Variants in TTC6 observed in about 807,000 individuals in gnomAD.
The protein encoded by TTC6 is tetratricopeptide repeat domain 6.
In TTC6, 172 loss-of-function variants were observed where a neutral mutation model predicts 210.4. That is an observed-to-expected ratio of 0.82 (90% CI 0.72 to 0.93). The LOEUF (loss-of-function observed/expected upper bound fraction) is 0.93. Among genes scored for constraint, TTC6 ranks in the 40% least tolerant of loss-of-function variants. The probability of loss-of-function intolerance (pLI) is 0.00; values close to 1 mark genes in which losing one functional copy is unlikely to be tolerated. For missense variants in TTC6, 2,414 were observed against 2,318.1 expected (o/e 1.04, Z -0.85); for synonymous variants, 804 against 819.6 (o/e 0.98, Z 0.32).
intron 29 of TTC6, among the ~76,000 whole-genome samples, chr14:37,833,626 T>G (rs897317471): frequency 4.6e-5 from 7 of 152,184 alleles, no homozygotes; most frequent in African/African-American, 1.7e-4. Flanking sequence ...GGTAAGGACT[T>G]ATTTCTGTCA....
chr14:37,834,137 TG>T (rs1189274304), intron 29 of TTC6, among the ~76,000 whole-genome samples: 1 of 152,192 alleles, frequency 6.6e-6, no homozygotes, highest in Non-Finnish European at 1.5e-5. Flanking sequence ...CTTAGACTTT[TG>T]ACAGTTTGAT....
At chr14:37,765,153 T>C (rs1197784348) in intron 14 of TTC6, among the ~76,000 whole-genome samples, 1 of 151,854 alleles carries the variant, frequency 6.6e-6, no homozygotes, top group African/African-American at 2.4e-5. Flanking sequence ...AAATTACATC[T>C]TTATAAATAT....
chr14:37,725,308 GTGTGTATA>G (rs1259538808), intron 7 of TTC6, among the ~76,000 whole-genome samples: 317 of 73,266 alleles, frequency 4.3e-3, no homozygotes, highest in Admixed American at 5.1e-3. Flanking sequence ...ATGTGTGTGT[GTGTGTATA>G]TATATATATA....
At chr14:37,837,975 T>G (rs141755136) in intron 29 of TTC6, among the ~76,000 whole-genome samples, 93 of 152,306 alleles carry the variant, frequency 6.1e-4, no homozygotes, top group Admixed American at 1.4e-3. Flanking sequence ...AGAACTAGAA[T>G]GTGTTCATTA....
At chr14:37,814,204 C>T (rs897608257) in intron 25 of TTC6, among the ~76,000 whole-genome samples, 2 of 152,146 alleles carry the variant, frequency 1.3e-5, no homozygotes, top group African/African-American at 4.8e-5. Flanking sequence ...CATTGTCAAA[C>T]ATTCTCTTCT....
chr14:37,817,740 G>C (rs2096145634), intron 26 of TTC6, 89 bp downstream of exon 28: 6 of 1,261,000 alleles, frequency 4.8e-6, no homozygotes, highest in Non-Finnish European at 1.1e-6. Flanking sequence ...AGGAGAGAAT[G>C]GAAGAAACTG....
intron 25 of TTC6, among the ~76,000 whole-genome samples, chr14:37,816,395 G>A (rs1379162627): frequency 6.6e-6 from 1 of 152,130 alleles, no homozygotes; most frequent in Admixed American, 6.6e-5. Context: ...GAGAGAGTGT[G>A]GGCTTTGATT....
exon 30 of TTC6, chr14:37,841,597 A>T: frequency 6.2e-7 from 1 of 1,606,474 alleles, no homozygotes; most frequent in South Asian, 1.1e-5. Context: ...TTTGGGCTGC[A>T]GTATATTTTA....
At chr14:37,609,647 T>C (rs2139244064) in intron 2 of TTC6, among the ~76,000 whole-genome samples, 1 of 152,340 alleles carries the variant, frequency 6.6e-6, no homozygotes, top group African/African-American at 2.4e-5. Context: ...ACACTATTTA[T>C]TTGTCATTTA....
At chr14:37,615,059 T>TA (rs2095640529) in intron 2 of TTC6, among the ~76,000 whole-genome samples, 1 of 152,064 alleles carries the variant, frequency 6.6e-6, no homozygotes. Flanking sequence ...GGTTGACATT[T>TA]AAAAAAAATC....
chr14:37,658,853 C>T (rs1007092396), intron 1 of TTC6, among the ~76,000 whole-genome samples: 2 of 152,084 alleles, frequency 1.3e-5, no homozygotes, highest in African/African-American at 4.8e-5. Flanking sequence ...ATTTGTTGTA[C>T]AGATTATTTC....
chr14:37,672,902 T>A (rs542063866), intron 1 of TTC6, among the ~76,000 whole-genome samples: 1 of 151,188 alleles, frequency 6.6e-6, no homozygotes, highest in African/African-American at 2.4e-5. Context: ...TTATAAAAAG[T>A]AGAATTTACT....
chr14:37,811,727 T>TA (rs1468122773), intron 24 of TTC6, among the ~76,000 whole-genome samples: 1 of 152,214 alleles, frequency 6.6e-6, no homozygotes, highest in Non-Finnish European at 1.5e-5. Context: ...ATGTGTCTTT[T>TA]AAAAAATGAA....
At chr14:37,723,730 T>TAATCAAGGTCAAC (rs2095866218) in intron 6 of TTC6, among the ~76,000 whole-genome samples, 1 of 152,180 alleles carries the variant, frequency 6.6e-6, no homozygotes, top group Non-Finnish European at 1.5e-5. Flanking sequence ...ATTTCCAAAG[T>TAATCAAGGTCAAC]AACTTTTCCT....
intron 22 of TTC6, among the ~76,000 whole-genome samples, 170 bp from the exon 25 acceptor site, chr14:37,807,147 AATT>A (rs1440685739): frequency 6.6e-6 from 1 of 152,136 alleles, no homozygotes; most frequent in Non-Finnish European, 1.5e-5. Flanking sequence ...TCATTCTTTC[AATT>A]ATTCTGTGTC....
chr14:37,709,209 C>T (rs1431419395), intron 5 of TTC6, among the ~76,000 whole-genome samples: 1 of 151,978 alleles, frequency 6.6e-6, no homozygotes, highest in African/African-American at 2.4e-5. Context: ...GTAAGAATCA[C>T]TGTGTGAGTT....
intron 1 of TTC6, among the ~76,000 whole-genome samples, chr14:37,671,372 A>G (rs1243452961): frequency 2.0e-5 from 3 of 152,136 alleles, no homozygotes; most frequent in Non-Finnish European, 4.4e-5. Flanking sequence ...GGTCTGCCCT[A>G]TTCATTGAGG....
chr14:37,826,107 A>G lies in TTC6; in HGVS notation c.4975-88A>G, dbSNP rs1488894434. On this transcript the variant is annotated intron_variant, in intron 27 of 30. Coordinates refer to ENST00000553443, the Ensembl canonical transcript of TTC6. ...AGCATGGCATAAATATACCCTTACT[A>G]AAGGTTTTATTTGATGGAGTCAGAA... 4 of 1,343,792 alleles carry G rather than the reference A, an allele frequency of 3.0e-6. No individual in the cohort carries two copies. In the African/African-American group the frequency reaches 4.4e-5, roughly 15 times the overall value. The allele number at this position is 1,343,792 out of a possible 1,614,324, so 83.2% of individuals were successfully genotyped here. A position where few individuals can be genotyped will look rare whatever the true frequency, so the allele number is the denominator to read the frequency against.
intron 1 of TTC6, among the ~76,000 whole-genome samples, chr14:37,652,349 G>T (rs1041973165): frequency 6.6e-5 from 10 of 152,156 alleles, no homozygotes; most frequent in African/African-American, 2.4e-4. Flanking sequence ...GTGATAGAAA[G>T]AAATTGGACT....
Sources: allele counts gnomAD v4.1 joint callset (sites outside exome capture counted in the v4.1 genomes callset), GRCh38; gene constraint gnomAD v4.1.1; transcripts MANE v1.5; gene names NCBI Gene and HGNC (gene_info 2026-07-23, HGNC 2026-07-21).